The following PLCZ1 variants were observed in gnomAD, a reference collection of about 807,000 sequenced individuals.
PLCZ1 encodes the protein phospholipase C zeta 1.
A neutral mutation model predicts 76.8 loss-of-function variants in PLCZ1; 64 were observed. The observed-to-expected ratio is 0.83, with a 90% CI of 0.68 to 1.03. The LOEUF is 1.03. Among genes scored for constraint, PLCZ1 ranks in the 50% least tolerant of loss-of-function variants. PLCZ1 has a pLI of 0.00. For missense variants in PLCZ1, 751 were observed against 713.7 expected, an observed-to-expected ratio of 1.05 and a Z score of -0.60; for synonymous variants, 248 against 230.8, an observed-to-expected ratio of 1.07 and a Z score of -0.68.
At chr12:18,715,384 C>A (rs1052798775) in intron 5 of PLCZ1, among the ~76,000 whole-genome samples, 7 of 151,094 alleles carry the variant, frequency 4.6e-5, no homozygotes, top group African/African-American at 1.7e-4. Context: ...TTAATAAATT[C>A]TTTTGGGGTG....
the PLCZ1 span, among the ~76,000 whole-genome samples, chr12:18,655,970 AAAGT>A: frequency 1.3e-5 from 2 of 152,184 alleles, no homozygotes; most frequent in Non-Finnish European, 2.9e-5. Flanking sequence ...AATTAGGTAA[AAAGT>A]AAGTAAATTT....
chr12:18,731,533 C>CTTTTTT (rs34568267), intron 3 of PLCZ1, among the ~76,000 whole-genome samples: 29 of 94,338 alleles, frequency 3.1e-4, no homozygotes, highest in Middle Eastern at 9.6e-3. Context: ...AATAAGCTGT[C>CTTTTTT]TTTTTTTTTT....
Position 18,723,439 on chromosome 12 carries a change from T to C in PLCZ1, c.239A>G (p.Tyr80Cys), listed in dbSNP as rs1195569995. The change falls in exon 4 of 15, where the codon TAT (tyrosine) becomes TGT (cysteine). Residue 80 changes from tyrosine (Y) to cysteine (C), a missense_variant. Transcript: ENST00000266505. ...REEIIEIFNTYSENRKILLAS... is the reference protein window; with the variant it reads ...REEIIEIFNTCSENRKILLAS... ...TAAAAGAATTTTCCGGTTTTCAGAA[T>C]ATGTGTTGAAAATCTCAATAATTTC... 5.0e-6 allele frequency: 8 copies of C among 1,612,906 alleles called. No homozygotes were observed. Among genetic ancestry groups the C allele is most frequent in the Non-Finnish European group, 6.8e-6 (8 of 1,179,404 alleles).
chr12:18,699,729 T>C, intron 10 of PLCZ1, 65 bp downstream of exon 10: 1 of 1,464,052 alleles, frequency 6.8e-7, no homozygotes, highest in Non-Finnish European at 9.6e-7. Flanking sequence ...TTGAGCAATC[T>C]TAACACCCTA....
At chr12:18,647,310 G>A in the PLCZ1 span, among the ~76,000 whole-genome samples, 2 of 151,874 alleles carry the variant, frequency 1.3e-5, no homozygotes. Flanking sequence ...GAAGAAACAA[G>A]AAGGAGACCA....
chr12:18,704,834 T>C (rs1266532958), intron 7 of PLCZ1, among the ~76,000 whole-genome samples: 3 of 152,106 alleles, frequency 2.0e-5, no homozygotes, highest in Non-Finnish European at 2.9e-5. Flanking sequence ...ATTTATAGTC[T>C]AGAACTTTTG....
the PLCZ1 span, among the ~76,000 whole-genome samples, chr12:18,661,816 C>CT: frequency 6.6e-6 from 1 of 152,026 alleles, no homozygotes; most frequent in Non-Finnish European, 1.5e-5. Flanking sequence ...ATAAATTGTT[C>CT]TACCGTTGTA....
rs1223040431 is a variant in PLCZ1 at position 18,696,140 on chromosome 12, T to C, written c.1291+10A>G. The C allele has an allele frequency of 3.0e-6, 4 of 1,324,862 alleles. No individual in the cohort carries two copies. The highest frequency in any genetic ancestry group is 1.5e-5 in the African/African-American group (1 of 67,748). The allele number at this position is 1,324,862 out of a possible 1,614,324, so 82.1% of individuals were successfully genotyped here. A position where few individuals can be genotyped will look rare whatever the true frequency, so the allele number is the denominator to read the frequency against. On this transcript the variant is annotated intron_variant, in intron 11 of 14. Coordinates refer to ENST00000266505, the MANE Select transcript of PLCZ1 (RefSeq NM_033123.4). The stretch of plus-strand genomic sequence containing the variant: ...CTTCTGCAAACAACTCAATATCGTA[T>C]ATAACATACCCATTTGACAACCTAT...
intron 1 of PLCZ1, 170 bp downstream of exon 1, chr12:18,737,762 C>T: frequency 2.8e-6 from 1 of 354,328 alleles, no homozygotes; most frequent in Non-Finnish European, 5.3e-6. Context: ...GTTTAAACCC[C>T]TCAAACCTTT....
the PLCZ1 span, among the ~76,000 whole-genome samples, chr12:18,670,905 G>A: frequency 1.4e-4 from 21 of 152,158 alleles, no homozygotes; most frequent in Middle Eastern, 3.4e-3. Flanking sequence ...AGTTTCGGCC[G>A]GGCACAGTGG....
chr12:18,688,096 T>A lies in PLCZ1; in HGVS notation c.1584A>T (p.Lys528Asn). Residue 528 changes from lysine (K) to asparagine (N), a missense_variant, in exon 13 of 15, where the codon AAA (lysine) becomes AAT (asparagine). Physicochemically the swap from Lys to Asn is moderately conservative, Grantham distance 94. Coordinates refer to ENST00000266505, the MANE Select transcript of PLCZ1 (RefSeq NM_033123.4). ...GGTATATCAGGAGCTCACCATTTTT[T>A]TTAATTACACGAGTCTGCTGCTTCA... The part of the protein sequence containing the change: ...DQMKQQTRVI[K>N]KNAFSPRWNE... The A allele has an allele frequency of 6.2e-7, 1 of 1,611,056 alleles. No homozygotes were observed. Among genetic ancestry groups the A allele is most frequent in the Admixed American group, 1.7e-5 (1 of 59,918 alleles).
At chr12:18,725,944 T>G (rs1015251427) in intron 3 of PLCZ1, among the ~76,000 whole-genome samples, 1 of 152,148 alleles carries the variant, frequency 6.6e-6, no homozygotes, top group Admixed American at 6.6e-5. Flanking sequence ...GACTCCACTT[T>G]CTTCTCTTAC....
chr12:18,692,493 C>CTGCTTTTA (rs1222686348), intron 12 of PLCZ1, among the ~76,000 whole-genome samples: 1 of 152,136 alleles, frequency 6.6e-6, no homozygotes, highest in Non-Finnish European at 1.5e-5. Context: ...TCTTAGACAA[C>CTGCTTTTA]TGCTTTTATG....
chr12:18,650,344 T>TAC, the PLCZ1 span, among the ~76,000 whole-genome samples: 2,062 of 133,502 alleles, frequency 0.015, 42 homozygotes, highest in Middle Eastern at 0.034. Context: ...TATATATATA[T>TAC]ATATGTGTGT....
At chr12:18,709,085 T>C (rs1162529621) in intron 6 of PLCZ1, among the ~76,000 whole-genome samples, 2 of 152,176 alleles carry the variant, frequency 1.3e-5, no homozygotes, top group African/African-American at 4.8e-5. Flanking sequence ...AAATAATAAT[T>C]GCCAAAGTCA....
the PLCZ1 span, among the ~76,000 whole-genome samples, chr12:18,665,418 T>A: frequency 1.3e-5 from 2 of 152,108 alleles, no homozygotes; most frequent in African/African-American, 2.4e-5. Flanking sequence ...GAAAAAAAAA[T>A]TGAGAAACAG....
intron 6 of PLCZ1, among the ~76,000 whole-genome samples, chr12:18,705,663 C>T (rs1035150433): frequency 6.6e-6 from 1 of 150,696 alleles, no homozygotes; most frequent in African/African-American, 2.4e-5. Flanking sequence ...GTCAGGAGTT[C>T]GAGGCCAGCT....
At chr12:18,704,146 A>T (rs1395280839) in intron 7 of PLCZ1, among the ~76,000 whole-genome samples, 2 of 152,164 alleles carry the variant, frequency 1.3e-5, no homozygotes, top group Non-Finnish European at 2.9e-5. Context: ...GACAGTATTG[A>T]ATGTTAATGA....
intron 3 of PLCZ1, among the ~76,000 whole-genome samples, chr12:18,726,523 C>T (rs1455589342): frequency 6.6e-6 from 1 of 152,072 alleles, no homozygotes; most frequent in African/African-American, 2.4e-5. Flanking sequence ...AGCTTAATTA[C>T]TATACGTTTA....
Sources: gnomAD v4.1 joint callset for allele counts (sites outside exome capture counted in the v4.1 genomes callset) on GRCh38, gnomAD v4.1.1 for gene constraint, MANE v1.5 for transcripts, NCBI Gene and HGNC (gene_info 2026-07-23, HGNC 2026-07-21) for gene names.